Variants in TEK observed in about 807,000 individuals in gnomAD.
TEK encodes TEK receptor tyrosine kinase.
TEK carries 43 observed loss-of-function variants against 131.8 expected under a neutral mutation model. The ratio of observed to expected loss-of-function variants is 0.33; its 90% CI spans 0.26 to 0.42. The LOEUF is 0.42. Among genes scored for constraint, TEK ranks in the 10% least tolerant of loss-of-function variants. The probability of loss-of-function intolerance (pLI) is 1.00; values close to 1 mark genes in which losing one functional copy is unlikely to be tolerated. For synonymous variants in TEK, 580 were observed against 491.6 expected, an observed-to-expected ratio of 1.18 and a Z score of -2.38; for missense variants, 1,162 against 1,384.4, an observed-to-expected ratio of 0.84 and a Z score of 2.55.
intron 18 of TEK, among the ~76,000 whole-genome samples, chr9:27,215,994 G>T (rs926404268): frequency 1.1e-4 from 16 of 152,102 alleles, no homozygotes; most frequent in African/African-American, 3.6e-4. Flanking sequence ...AACCCCTAGA[G>T]GAAAAGGAAA....
At chr9:27,124,860 A>T (rs1048692769) in intron 1 of TEK, among the ~76,000 whole-genome samples, 1 of 152,222 alleles carries the variant, frequency 6.6e-6, no homozygotes, top group Admixed American at 6.5e-5. Flanking sequence ...ACACCTGTGC[A>T]TATGAGGTCT....
intron 1 of TEK, among the ~76,000 whole-genome samples, chr9:27,127,408 C>T (rs1201858713): frequency 1.3e-5 from 2 of 152,198 alleles, no homozygotes; most frequent in African/African-American, 4.8e-5. Context: ...CAAGTCTTTG[C>T]TATCGTGAAT....
chr9:27,117,164 C>T (rs1272014574), intron 1 of TEK, among the ~76,000 whole-genome samples: 3 of 152,036 alleles, frequency 2.0e-5, no homozygotes, highest in East Asian at 1.9e-4. Context: ...TGCGCCCGGC[C>T]GGAAAGAGAA....
chr9:27,122,700 G>T (rs890815570), intron 1 of TEK, among the ~76,000 whole-genome samples: 2 of 151,976 alleles, frequency 1.3e-5, no homozygotes, highest in African/African-American at 4.8e-5. Flanking sequence ...TAGAGAAAGA[G>T]GAGACTGATG....
chr9:27,150,969 A>G (rs1823107549), intron 1 of TEK, among the ~76,000 whole-genome samples: 1 of 152,140 alleles, frequency 6.6e-6, no homozygotes, highest in Admixed American at 6.5e-5. Context: ...GCCTTTGGGG[A>G]AACTGGCTTG....
intron 6 of TEK, among the ~76,000 whole-genome samples, chr9:27,179,220 T>G (rs942170830): frequency 3.9e-5 from 6 of 152,218 alleles, no homozygotes; most frequent in African/African-American, 1.4e-4. Flanking sequence ...TTTTGTTATC[T>G]CCATTCTGTT....
chr9:27,149,652 T>C (rs1179401624), intron 1 of TEK, among the ~76,000 whole-genome samples: 6 of 152,214 alleles, frequency 3.9e-5, no homozygotes, highest in Non-Finnish European at 8.8e-5. Flanking sequence ...CTCCTCTTTG[T>C]GCAGGCAAGT....
chr9:27,175,094 G>A (rs1824113297), intron 6 of TEK, among the ~76,000 whole-genome samples: 2 of 146,352 alleles, frequency 1.4e-5, no homozygotes, highest in Non-Finnish European at 3.0e-5. Context: ...CCATCAACTC[G>A]TCATTTAGCA....
chr9:27,111,370 G>A (rs1311009307), intron 1 of TEK, among the ~76,000 whole-genome samples: 1 of 152,154 alleles, frequency 6.6e-6, no homozygotes, highest in East Asian at 1.9e-4. Flanking sequence ...CTTGATAATT[G>A]CAACAAGAAT....
chr9:27,216,056 T>C (rs934967411), intron 18 of TEK, among the ~76,000 whole-genome samples: 5 of 152,106 alleles, frequency 3.3e-5, no homozygotes, highest in South Asian at 4.1e-4. Context: ...TGGGGGTGTA[T>C]TGCAGAGAGG....
chr9:27,113,875 A>T (rs975486769), intron 1 of TEK, among the ~76,000 whole-genome samples: 1 of 150,868 alleles, frequency 6.6e-6, no homozygotes, highest in African/African-American at 2.4e-5. Context: ...GTCTGCTTCA[A>T]CCAGGCCCAT....
At chr9:27,134,659 T>C (rs1046852947) in intron 1 of TEK, among the ~76,000 whole-genome samples, 1 of 152,168 alleles carries the variant, frequency 6.6e-6, no homozygotes, top group Non-Finnish European at 1.5e-5. Context: ...CAAACTTCAT[T>C]TTCCAGTGTA....
chr9:27,205,557 A>G (rs1825371476), intron 14 of TEK, among the ~76,000 whole-genome samples: 1 of 152,062 alleles, frequency 6.6e-6, no homozygotes, highest in Non-Finnish European at 1.5e-5. Flanking sequence ...AGAATTGTAT[A>G]TACCTGTGTG....
chr9:27,126,490 G>C (rs1445607726), intron 1 of TEK, among the ~76,000 whole-genome samples: 1 of 152,170 alleles, frequency 6.6e-6, no homozygotes, highest in South Asian at 2.1e-4. Flanking sequence ...AAATGACTGG[G>C]AAAGTGCTTT....
intron 4 of TEK, among the ~76,000 whole-genome samples, chr9:27,172,406 A>C (rs1247690306): frequency 1.3e-5 from 2 of 152,110 alleles, no homozygotes; most frequent in African/African-American, 4.8e-5. Context: ...CACCAGACAG[A>C]GTTAGGTACT....
chr9:27,212,721 G>C lies in TEK; in HGVS notation c.2701G>C (p.Ala901Pro). ...CTTCCCTCCAGGCTACTTGTACCTGGCCATTGAGTACGCGCCCCATGGAAA... is the reference window on the plus strand; with the variant it reads ...CTTCCCTCCAGGCTACTTGTACCTGCCCATTGAGTACGCGCCCCATGGAAA... ...ACEHRGYLYL[A>P]IEYAPHGNLL... is the part of the protein sequence containing the mutation. Residue 901 changes from alanine (A) to proline (P), a missense_variant, in exon 17 of 23, where the codon GCC (alanine) becomes CCC (proline). Ala to Pro is a conservative substitution (Grantham distance 27, BLOSUM62 -1). This residue lies in a region of TEK where 57 missense variants were observed against 100.8 expected (regional missense o/e 0.57). Coordinates refer to ENST00000380036, the MANE Select transcript of TEK (RefSeq NM_000459.5). 6.2e-7 allele frequency: 1 copy of C among 1,614,066 alleles called. No homozygotes were observed.
intron 13 of TEK, among the ~76,000 whole-genome samples, chr9:27,204,693 GT>G (rs369682417): frequency 0.013 from 1,862 of 144,052 alleles, 24 homozygotes; most frequent in African/African-American, 0.03. Context: ...ACTTTTGCAT[GT>G]TTTTTTTTTT....
chr9:27,158,877 T>C (rs1248808454), intron 2 of TEK, among the ~76,000 whole-genome samples: 1 of 152,228 alleles, frequency 6.6e-6, no homozygotes, highest in Non-Finnish European at 1.5e-5. Flanking sequence ...GCCAGGACGA[T>C]CTTGATCTGT....
chr9:27,129,693 A>T (rs915260256), intron 1 of TEK, among the ~76,000 whole-genome samples: 3 of 152,326 alleles, frequency 2.0e-5, no homozygotes, highest in Admixed American at 6.5e-5. Flanking sequence ...ATAAAGAAGT[A>T]CAAGGTCCCA....
Sources: allele counts gnomAD v4.1 joint callset (sites outside exome capture counted in the v4.1 genomes callset), GRCh38; gene constraint gnomAD v4.1.1; regional missense constraint gnomAD v4.1.1; transcripts MANE v1.5; gene names NCBI Gene and HGNC (gene_info 2026-07-23, HGNC 2026-07-21).